Variants in MYO1E observed in about 807,000 individuals in gnomAD.
MYO1E encodes myosin IE.
A neutral mutation model predicts 151.1 loss-of-function variants in MYO1E; 68 were observed. That is an observed-to-expected ratio of 0.45 (90% CI 0.37 to 0.55). The LOEUF is 0.55. MYO1E is among the 20% of genes least tolerant of loss of function. The probability of loss-of-function intolerance (pLI) is 0.00; values close to 1 mark genes in which losing one functional copy is unlikely to be tolerated. For missense variants in MYO1E, 1,363 were observed against 1,389.3 expected, an observed-to-expected ratio of 0.98 and a Z score of 0.30; for synonymous variants, 601 against 501.7, an observed-to-expected ratio of 1.20 and a Z score of -2.64.
chr15:59,336,318 C>T (rs1043157960), intron 1 of MYO1E, among the ~76,000 whole-genome samples: 2 of 150,814 alleles, frequency 1.3e-5, no homozygotes, highest in East Asian at 3.9e-4. Context: ...TGCAGTGAGC[C>T]GAGATCATGC....
rs761390168 is a variant in MYO1E at position 59,214,627 on chromosome 15, A to C, written c.1188+13T>G. On this transcript the variant is annotated intron_variant, in intron 11 of 27. Coordinates refer to ENST00000288235, the MANE Select transcript of MYO1E (RefSeq NM_004998.4). ...CACCCTCCTCAACCCCTAGTTATTA[A>C]AACTGGCCTTACCTGGAATATTTCA... The C allele has an allele frequency of 6.3e-7, 1 of 1,595,582 alleles. No homozygotes were observed. Among genetic ancestry groups the C allele is most frequent in the Non-Finnish European group, 8.6e-7 (1 of 1,163,178 alleles).
chr15:59,360,614 CTTG>C lies in MYO1E; in HGVS notation c.3+11881_3+11883del, dbSNP rs2080879726. ...TAGCAGATAGAAAATGATTTTCCTTCTTGTTGTTAGCTTCTGTTTTTGCCCTTT... is the reference window on the plus strand; with the variant it reads ...TAGCAGATAGAAAATGATTTTCCTTCTTGTTAGCTTCTGTTTTTGCCCTTT... On this transcript the variant is annotated intron_variant, in intron 1 of 27. Coordinates refer to ENST00000288235, the MANE Select transcript of MYO1E (RefSeq NM_004998.4). Among the ~76,000 whole-genome samples, 5 of 152,278 alleles carry C rather than the reference CTTG, an allele frequency of 3.3e-5. No individual in the cohort carries two copies. In the South Asian group the frequency reaches 1.0e-3, roughly 32 times the overall value.
Position 59,372,760 on chromosome 15 carries a change from G to T in MYO1E, c.-260C>A, listed in dbSNP as rs2080956289. 1.5e-5 allele frequency: 8 copies of T among 538,270 alleles called. No individual in the cohort carries two copies. In the South Asian group the frequency reaches 1.7e-4, roughly 11 times the overall value. 33.3% of individuals were successfully genotyped at this position (538,270 alleles called of 1,614,324 possible). A position where few individuals can be genotyped will look rare whatever the true frequency, so the allele number is the denominator to read the frequency against. ...GGAGGGCAAGAGTCCACTCGTACTCGCCGGTCGCCGCCGGCCCAGGTGAGT... is the reference window on the plus strand; with the variant it reads ...GGAGGGCAAGAGTCCACTCGTACTCTCCGGTCGCCGCCGGCCCAGGTGAGT... On this transcript the variant is annotated 5_prime_UTR_variant, in exon 1 of 28. Transcript: ENST00000288235.
chr15:59,356,910 GTT>G lies in MYO1E; in HGVS notation c.3+15586_3+15587del, dbSNP rs59157262. On this transcript the variant is annotated intron_variant, in intron 1 of 27. Transcript: ENST00000288235. Reference sequence around the variant, plus strand: ...TTTTTTGTTTGTTTGTTTGTTTTTGGTTTTTTTTTTTTGAGATGGAGTTTCAC... The same window carrying G: ...TTTTTTGTTTGTTTGTTTGTTTTTGGTTTTTTTTTTGAGATGGAGTTTCAC... Among the ~76,000 whole-genome samples, 398 of 140,488 alleles carry G rather than the reference GTT, an allele frequency of 2.8e-3. 3 individuals carry two copies. Among genetic ancestry groups the G allele is most frequent in the African/African-American group, 9.3e-3 (348 of 37,338 alleles). 92.2% of individuals were successfully genotyped at this position (140,488 alleles called of 152,430 possible).
At position 59,136,577 on chromosome 15, in the gene MYO1E, C is replaced by T. The variant is rs1452344382; in HGVS notation, c.*803G>A. 5 of 391,738 alleles carry T rather than the reference C, an allele frequency of 1.3e-5. No individual in the cohort carries two copies. The highest frequency in any genetic ancestry group is 1.0e-4 in the African/African-American group (5 of 47,894). The allele number at this position is 391,738 out of a possible 1,614,324, so 24.3% of individuals were successfully genotyped here. On this transcript the variant is annotated 3_prime_UTR_variant, in exon 28 of 28. Coordinates refer to ENST00000288235, the MANE Select transcript of MYO1E (RefSeq NM_004998.4). ...GAGTACAGTGGAATACTACTTAGTACATTCATACATGTTTCTACCATCTCA... is the reference window on the plus strand; with the variant it reads ...GAGTACAGTGGAATACTACTTAGTATATTCATACATGTTTCTACCATCTCA...
At position 59,267,119 on chromosome 15, in the gene MYO1E, G is replaced by A. The variant is rs573001675; in HGVS notation, c.147+5187C>T. 3.5e-5 allele frequency among the ~76,000 whole-genome samples: 5 copies of A among 143,054 alleles called. No homozygotes were observed. The South Asian group carries it at 6.8e-4, about 19-fold the overall frequency. 93.8% of individuals were successfully genotyped at this position (143,054 alleles called of 152,430 possible). ...CGGCTCACTGCAACCTCCGCCTCCC[G>A]GGTTCAAGCAATTCTCCTGCCTCAG... On this transcript the variant is annotated intron_variant, in intron 2 of 27. Coordinates refer to ENST00000288235, the MANE Select transcript of MYO1E (RefSeq NM_004998.4).
intron 4 of MYO1E, among the ~76,000 whole-genome samples, chr15:59,248,540 AT>A (rs2080144939): frequency 1.3e-5 from 2 of 149,076 alleles, no homozygotes; most frequent in Admixed American, 1.3e-4. Flanking sequence ...ACTCTTCCTG[AT>A]TTGTCTGCCA....
intron 16 of MYO1E, among the ~76,000 whole-genome samples, chr15:59,197,784 A>G (rs1399830741): frequency 1.3e-5 from 2 of 152,260 alleles, no homozygotes; most frequent in African/African-American, 2.4e-5. Flanking sequence ...GGCTGTGAAT[A>G]ATTAATTTCA....
intron 26 of MYO1E, among the ~76,000 whole-genome samples, chr15:59,143,699 G>C (rs1323985608): frequency 6.6e-5 from 10 of 152,306 alleles, no homozygotes; most frequent in Admixed American, 1.3e-4. Context: ...GATGACTGAT[G>C]CAGGCTCCTG....
intron 21 of MYO1E, 134 bp downstream of exon 21, chr15:59,173,612 G>A (rs2079608064): frequency 3.0e-6 from 3 of 1,013,900 alleles, no homozygotes; most frequent in Non-Finnish European, 4.5e-6. Flanking sequence ...TTTATCTTTT[G>A]GTTTACTGTA....
intron 11 of MYO1E, among the ~76,000 whole-genome samples, 156 bp from the exon 12 acceptor site, chr15:59,214,470 G>C (rs1196832834): frequency 1.3e-5 from 2 of 152,172 alleles, no homozygotes; most frequent in African/African-American, 4.8e-5. Context: ...AAACTAATTT[G>C]GTAAAGGCAC....
chr15:59,225,800 C>T (rs1479495097), intron 7 of MYO1E, among the ~76,000 whole-genome samples: 1 of 152,108 alleles, frequency 6.6e-6, no homozygotes, highest in South Asian at 2.1e-4. Context: ...GCGCCCACCA[C>T]CACGGCCAGC....
At position 59,137,216 on chromosome 15, in the gene MYO1E, C is replaced by T; in HGVS notation, c.*164G>A. Reference sequence around the variant, plus strand: ...ACTTATGGAGTGATACTCCCTGTCCCCAACCCAGCCTTTTCAGTGTCCTCC... The same window carrying T: ...ACTTATGGAGTGATACTCCCTGTCCTCAACCCAGCCTTTTCAGTGTCCTCC... On this transcript the variant is annotated 3_prime_UTR_variant, in exon 28 of 28. Transcript: ENST00000288235. 1.4e-6 allele frequency: 1 copy of T among 691,718 alleles called. No individual in the cohort carries two copies. Among genetic ancestry groups the T allele is most frequent in the South Asian group, 1.7e-5 (1 of 59,970 alleles). 42.8% of individuals were successfully genotyped at this position (691,718 alleles called of 1,614,324 possible).
chr15:59,161,037 C>G, intron 24 of MYO1E, 36 bp downstream of exon 24: 1 of 1,611,532 alleles, frequency 6.2e-7, no homozygotes, highest in Non-Finnish European at 8.5e-7. Flanking sequence ...GGGGGAGCGG[C>G]GGCAGTTCTG....
intron 16 of MYO1E, among the ~76,000 whole-genome samples, chr15:59,201,187 T>A (rs1596362255): frequency 6.6e-6 from 1 of 151,936 alleles, no homozygotes; most frequent in South Asian, 2.1e-4. Flanking sequence ...AGCTTTGACT[T>A]CCTTGACTAA....
chr15:59,252,434 G>C (rs1461955121), intron 4 of MYO1E, among the ~76,000 whole-genome samples: 1 of 152,106 alleles, frequency 6.6e-6, no homozygotes, highest in African/African-American at 2.4e-5. Context: ...TGCAAAAGAG[G>C]CTGGGTGCAG....
At chr15:59,202,032 T>A (rs1648360976) in intron 16 of MYO1E, among the ~76,000 whole-genome samples, 1 of 152,236 alleles carries the variant, frequency 6.6e-6, no homozygotes, top group Non-Finnish European at 1.5e-5. Context: ...CAGTTTAACA[T>A]AAATTCTTCC....
intron 4 of MYO1E, among the ~76,000 whole-genome samples, chr15:59,248,377 T>C (rs1465956819): frequency 6.7e-6 from 1 of 149,136 alleles, no homozygotes; most frequent in African/African-American, 2.5e-5. Flanking sequence ...TCCCAGCTAC[T>C]TGGGATGCTG....
At chr15:59,228,208 C>A (rs777369166) in intron 6 of MYO1E, among the ~76,000 whole-genome samples, 1 of 152,034 alleles carries the variant, frequency 6.6e-6, no homozygotes, top group Admixed American at 6.5e-5. Context: ...TATAGCCAGG[C>A]GCGGTGGCTC....
Sources: allele counts gnomAD v4.1 joint callset (sites outside exome capture counted in the v4.1 genomes callset), GRCh38; gene constraint gnomAD v4.1.1; transcripts MANE v1.5; gene names NCBI Gene and HGNC (gene_info 2026-07-23, HGNC 2026-07-21).